Variants in TTC17 observed in about 807,000 individuals in gnomAD.
The protein encoded by TTC17 is tetratricopeptide repeat domain 17.
In TTC17, 58 loss-of-function variants were observed where a neutral mutation model predicts 143.8. The observed-to-expected ratio is 0.40, with a 90% confidence interval of 0.33 to 0.50. The LOEUF (loss-of-function observed/expected upper bound fraction) is 0.50. Among genes scored for constraint, TTC17 ranks in the 20% least tolerant of loss-of-function variants. The pLI is 0.49. For missense variants in TTC17, 1,273 were observed against 1,392.5 expected (o/e 0.91, Z 1.37); for synonymous variants, 501 against 497.8 (o/e 1.01, Z -0.09).
intron 2 of TTC17, among the ~76,000 whole-genome samples, chr11:43,384,673 C>CA (rs1294596966): frequency 6.6e-6 from 1 of 151,606 alleles, no homozygotes; most frequent in South Asian, 2.1e-4. Context: ...AAAAACAAAA[C>CA]AAAAAAAAGA....
At position 43,443,451 on chromosome 11, in the gene TTC17, G is replaced by T; in HGVS notation, c.2378G>T (p.Gly793Val). 1 of 1,614,182 alleles carries T rather than the reference G, an allele frequency of 6.2e-7. No homozygotes were observed. The highest frequency in any genetic ancestry group is 8.5e-7 in the Non-Finnish European group (1 of 1,180,032). The stretch of plus-strand genomic sequence containing the variant: ...GCATGGCCTTTGGAAGGCTTTGGGG[G>T]TGCACTAGAGATGAAAGGGCGGCGT... ...QQAWPLEGFG[G>V]ALEMKGRRLD... Residue 793 changes from glycine to valine, a missense_variant, in exon 17 of 24, where the codon GGT becomes GTT. Around this residue, in one of 3 missense-constraint regions of TTC17, gnomAD observed 878 missense variants for 899.8 expected, o/e 0.98. Coordinates refer to ENST00000039989, the MANE Select transcript of TTC17 (RefSeq NM_018259.6).
At chr11:43,493,518 C>T (rs1272086434) in intron 23 of TTC17, among the ~76,000 whole-genome samples, 1 of 152,152 alleles carries the variant, frequency 6.6e-6, no homozygotes, top group Non-Finnish European at 1.5e-5. Flanking sequence ...AGCTGCTCTA[C>T]CCCTTTTCCT....
intron 16 of TTC17, among the ~76,000 whole-genome samples, chr11:43,440,969 A>G (rs968890523): frequency 6.6e-6 from 1 of 151,818 alleles, no homozygotes; most frequent in Non-Finnish European, 1.5e-5. Context: ...TTTAAAAAAA[A>G]AAAATTGTTA....
intron 15 of TTC17, among the ~76,000 whole-genome samples, chr11:43,413,848 A>G (rs185690163): frequency 6.6e-6 from 1 of 152,214 alleles, no homozygotes; most frequent in African/African-American, 2.4e-5. Flanking sequence ...ACTTGCTGGT[A>G]GGAGTGTAAA....
intron 10 of TTC17, among the ~76,000 whole-genome samples, chr11:43,402,239 C>T (rs1325804777): frequency 2.6e-5 from 4 of 152,024 alleles, no homozygotes; most frequent in Non-Finnish European, 4.4e-5. Flanking sequence ...CTTTCATCTC[C>T]CCACTTTCCC....
chr11:43,431,430 A>T (rs1052544615), intron 16 of TTC17, among the ~76,000 whole-genome samples: 5 of 152,190 alleles, frequency 3.3e-5, no homozygotes, highest in African/African-American at 1.2e-4. Context: ...CCTCTCCAGC[A>T]TCTGTTGTTT....
intron 21 of TTC17, among the ~76,000 whole-genome samples, chr11:43,483,547 C>A (rs1948326163): frequency 6.6e-6 from 1 of 151,970 alleles, no homozygotes; most frequent in African/African-American, 2.4e-5. Flanking sequence ...GGGTTTATCC[C>A]AGAAATACTG....
intron 1 of TTC17, among the ~76,000 whole-genome samples, chr11:43,365,071 G>A (rs1370433357): frequency 2.6e-5 from 4 of 152,248 alleles, no homozygotes; most frequent in East Asian, 3.9e-4. Flanking sequence ...AAAGTGCTGG[G>A]ATTACAGGCG....
In TTC17 at chr11:43,444,220, A is replaced by G. The variant is rs1317231999; in HGVS notation, c.2665+11A>G. ...CTCCTGGGCCACAAGGTAAATTTGA[A>G]TGTTTAATATGCCAGTTTCTTGTTT... On this transcript the variant is annotated intron_variant, in intron 18 of 23. Transcript: ENST00000039989. The G allele has an allele frequency of 1.3e-6, 2 of 1,589,176 alleles. No individual in the cohort carries two copies. The highest frequency in any genetic ancestry group is 1.7e-6 in the Non-Finnish European group (2 of 1,172,372).
intron 12 of TTC17, 63 bp from the exon 13 acceptor site, chr11:43,405,723 G>C (rs1858090986): frequency 1.2e-6 from 2 of 1,611,822 alleles, no homozygotes; most frequent in Non-Finnish European, 1.7e-6. Context: ...GAAAAGTTAA[G>C]TCTTTATCTT....
intron 23 of TTC17, among the ~76,000 whole-genome samples, chr11:43,493,438 C>T (rs1948506436): frequency 1.3e-5 from 2 of 152,208 alleles, no homozygotes; most frequent in Non-Finnish European, 2.9e-5. Context: ...CACAGCCTGG[C>T]ACACTTCAGG....
chr11:43,434,515 G>A (rs1947241161), intron 16 of TTC17, among the ~76,000 whole-genome samples: 1 of 152,122 alleles, frequency 6.6e-6, no homozygotes, highest in Non-Finnish European at 1.5e-5. Flanking sequence ...CTGAGAATCG[G>A]TTTCCTCATT....
At chr11:43,451,989 A>G (rs572467500) in intron 21 of TTC17, among the ~76,000 whole-genome samples, 1 of 152,308 alleles carries the variant, frequency 6.6e-6, no homozygotes, top group South Asian at 2.1e-4. Flanking sequence ...TAGGGCAAAC[A>G]CATGATCCCC....
At chr11:43,377,842 C>A (rs1019951043) in intron 1 of TTC17, among the ~76,000 whole-genome samples, 4 of 152,074 alleles carry the variant, frequency 2.6e-5, no homozygotes, top group African/African-American at 9.7e-5. Flanking sequence ...TTCTTTCTTG[C>A]AATTCTTCAA....
intron 1 of TTC17, among the ~76,000 whole-genome samples, chr11:43,367,714 C>CTGTGTGTG (rs3083209): frequency 2.8e-4 from 41 of 147,188 alleles, no homozygotes; most frequent in East Asian, 1.0e-3. Context: ...AGGGGAATGT[C>CTGTGTGTG]TGTGTGTGTG....
Position 43,405,856 on chromosome 11 carries a change from G to T in TTC17, c.1666G>T (p.Asp556Tyr). 6.2e-7 allele frequency: 1 copy of T among 1,613,954 alleles called. No individual in the cohort carries two copies. The highest frequency in any genetic ancestry group is 8.5e-7 in the Non-Finnish European group (1 of 1,179,948). ...EAQTPDCSIT[D>Y]FRKSHTLSYL... ...CCAAACCCCTGACTGTTCCATAACT[G>T]ACTTCAGAAAAAGCCACACTCTGTC... The change falls in exon 13 of 24, where the codon GAC becomes TAC. Residue 556 changes from aspartate (D) to tyrosine (Y), a missense_variant. Around this residue, in one of 3 missense-constraint regions of TTC17, gnomAD observed 878 missense variants for 899.8 expected, o/e 0.98. Coordinates refer to ENST00000039989, the MANE Select transcript of TTC17 (RefSeq NM_018259.6).
At chr11:43,359,543 G>C (rs1856010060) in intron 1 of TTC17, among the ~76,000 whole-genome samples, 1 of 152,214 alleles carries the variant, frequency 6.6e-6, no homozygotes, top group South Asian at 2.1e-4. Context: ...CCCATGGTAT[G>C]ACAGCTTCTG....
chr11:43,487,879 A>T (rs1161663590), intron 21 of TTC17, among the ~76,000 whole-genome samples: 5 of 152,172 alleles, frequency 3.3e-5, no homozygotes. Context: ...CTCTGTGCAC[A>T]CAGGACCCTG....
At chr11:43,363,058 C>G (rs976483190) in intron 1 of TTC17, among the ~76,000 whole-genome samples, 7 of 152,180 alleles carry the variant, frequency 4.6e-5, no homozygotes, top group South Asian at 2.1e-4. Context: ...GCCCATCTCA[C>G]TTTATTTAAG....
Sources: gnomAD v4.1 joint callset for allele counts (sites outside exome capture counted in the v4.1 genomes callset) on GRCh38, gnomAD v4.1.1 for gene constraint, gnomAD v4.1.1 regional missense constraint, MANE v1.5 for transcripts, NCBI Gene and HGNC (gene_info 2026-07-23, HGNC 2026-07-21) for gene names.